NEGR1: variants seen among roughly 807,000 people sequenced by gnomAD.
NEGR1 encodes the protein IgLON family member 4.
Under a neutral mutation model 40.9 loss-of-function variants are expected in NEGR1, and 10 were observed. The observed-to-expected ratio is 0.24, with a 90% CI of 0.15 to 0.42. The LOEUF (loss-of-function observed/expected upper bound fraction) is 0.42. Ranked by LOEUF, NEGR1 falls within the 10% of genes least tolerant of loss-of-function variation. NEGR1 has a pLI of 1.00. For synonymous variants in NEGR1, 185 were observed against 166.8 expected, an observed-to-expected ratio of 1.11 and a Z score of -0.84; for missense variants, 352 against 438.9, an observed-to-expected ratio of 0.80 and a Z score of 1.77.
chr1:71,628,114 C>T (rs1012119306), intron 4 of NEGR1, among the ~76,000 whole-genome samples: 1 of 152,006 alleles, frequency 6.6e-6, no homozygotes, highest in Non-Finnish European at 1.5e-5. Context: ...TTTTATATGT[C>T]ATCTACTCAC....
chr1:71,829,010 T>A (rs773736754), intron 2 of NEGR1, among the ~76,000 whole-genome samples: 2 of 151,908 alleles, frequency 1.3e-5, no homozygotes, highest in Non-Finnish European at 2.9e-5. Flanking sequence ...AACATCCATA[T>A]AGTTTAACCC....
intron 6 of NEGR1, among the ~76,000 whole-genome samples, chr1:71,452,434 T>A (rs2101330434): frequency 6.6e-6 from 1 of 152,332 alleles, no homozygotes; most frequent in African/African-American, 2.4e-5. Flanking sequence ...ATGTTCTAGA[T>A]ACAGCAGGGG....
At position 71,822,388 on chromosome 1, in the gene NEGR1, C is replaced by T. The variant is rs115424387; in HGVS notation, c.410-46091G>A. Among the ~76,000 whole-genome samples, 736 of 152,114 alleles carry T rather than the reference C, an allele frequency of 4.8e-3. 6 individuals carry two copies. Among genetic ancestry groups the T allele is most frequent in the African/African-American group, 0.017 (702 of 41,532 alleles). On this transcript the variant is annotated intron_variant, in intron 2 of 6. Transcript: ENST00000357731. ...CAACCAAGTGGACAAAATGATCTAG[C>T]CAGCTACTGCCAGCTAGCCGCTATC... is the stretch of plus-strand genomic sequence containing the variant.
At chr1:72,163,792 C>T (rs1233607095) in intron 1 of NEGR1, among the ~76,000 whole-genome samples, 1 of 150,196 alleles carries the variant, frequency 6.7e-6, no homozygotes. Context: ...AAGTTCTTAA[C>T]ATTAGAAAGT....
intron 1 of NEGR1, among the ~76,000 whole-genome samples, chr1:71,979,300 C>A (rs1283224715): frequency 6.6e-6 from 1 of 152,018 alleles, no homozygotes; most frequent in African/African-American, 2.4e-5. Flanking sequence ...GTACAATGAA[C>A]CCCCACGGCA....
chr1:71,697,351 T>C (rs1653511359), intron 4 of NEGR1, among the ~76,000 whole-genome samples: 1 of 151,838 alleles, frequency 6.6e-6, no homozygotes, highest in African/African-American at 2.4e-5. Context: ...AAAACGATTG[T>C]AGTCATTGCT....
intron 1 of NEGR1, among the ~76,000 whole-genome samples, chr1:72,060,946 A>G (rs745976195): frequency 1.2e-4 from 18 of 151,596 alleles, no homozygotes; most frequent in Non-Finnish European, 2.5e-4. Context: ...TTTCCATAAC[A>G]TATTCTGAAA....
intron 2 of NEGR1, among the ~76,000 whole-genome samples, chr1:71,857,122 C>A (rs1472472622): frequency 6.6e-6 from 1 of 151,986 alleles, no homozygotes; most frequent in African/African-American, 2.4e-5. Context: ...GTTAGTGATT[C>A]TTTCCATTCA....
chr1:71,412,263 G>A (rs1350905867), intron 6 of NEGR1, among the ~76,000 whole-genome samples: 1 of 152,038 alleles, frequency 6.6e-6, no homozygotes, highest in South Asian at 2.1e-4. Context: ...CTTTGTGCAT[G>A]CAACCTCCTT....
intron 6 of NEGR1, among the ~76,000 whole-genome samples, chr1:71,475,625 T>C (rs1569919359): frequency 2.0e-5 from 3 of 152,144 alleles, no homozygotes; most frequent in Admixed American, 2.0e-4. Context: ...GAGTACAGTG[T>C]TCATTTAAAA....
intron 1 of NEGR1, among the ~76,000 whole-genome samples, chr1:72,273,998 T>C (rs72942937): frequency 0.026 from 3,929 of 149,930 alleles, 157 homozygotes; most frequent in African/African-American, 0.09. Flanking sequence ...TGTTGTTCTT[T>C]TTTTTTTTTT....
intron 2 of NEGR1, among the ~76,000 whole-genome samples, chr1:71,877,649 G>A (rs557024693): frequency 6.6e-6 from 1 of 152,102 alleles, no homozygotes; most frequent in African/African-American, 2.4e-5. Context: ...ATTTTTGGGG[G>A]ACAAAAATAT....
At chr1:71,460,839 C>T (rs1025703483) in intron 6 of NEGR1, among the ~76,000 whole-genome samples, 1 of 152,048 alleles carries the variant, frequency 6.6e-6, no homozygotes, top group Non-Finnish European at 1.5e-5. Context: ...ATGCTTTTGC[C>T]TACTTTGCAA....
chr1:71,753,248 A>G (rs957772164), intron 3 of NEGR1, among the ~76,000 whole-genome samples: 3 of 152,206 alleles, frequency 2.0e-5, no homozygotes, highest in Admixed American at 1.3e-4. Context: ...TACCAAGGAT[A>G]GTGAAAGAAG....
intron 1 of NEGR1, among the ~76,000 whole-genome samples, chr1:72,171,106 C>T (rs1033089222): frequency 5.3e-5 from 8 of 152,098 alleles, no homozygotes; most frequent in Non-Finnish European, 1.0e-4. Flanking sequence ...AAGAACACAA[C>T]GCTCTGGGTG....
intron 1 of NEGR1, among the ~76,000 whole-genome samples, chr1:72,062,231 T>C (rs1647189560): frequency 6.6e-6 from 1 of 151,864 alleles, no homozygotes; most frequent in South Asian, 2.1e-4. Context: ...TTGGAAGTTT[T>C]TCCCAGTTTC....
chr1:72,030,002 T>G (rs1474404524), intron 1 of NEGR1, among the ~76,000 whole-genome samples: 2 of 143,730 alleles, frequency 1.4e-5, no homozygotes, highest in Non-Finnish European at 3.0e-5. Context: ...AATTGAAGTG[T>G]TAAGAAATGT....
chr1:71,554,978 T>C (rs1032620524), intron 6 of NEGR1, among the ~76,000 whole-genome samples: 16 of 151,592 alleles, frequency 1.1e-4, no homozygotes, highest in African/African-American at 3.9e-4. Context: ...TCTTACTTTT[T>C]TTCCATCCCT....
At chr1:71,633,025 T>C (rs534598402) in intron 4 of NEGR1, among the ~76,000 whole-genome samples, 30 of 152,264 alleles carry the variant, frequency 2.0e-4, no homozygotes, top group African/African-American at 7.0e-4. Flanking sequence ...TAGATATAAC[T>C]GCATATGTCT....
Sources: gnomAD v4.1 joint callset for allele counts (sites outside exome capture counted in the v4.1 genomes callset) on GRCh38, gnomAD v4.1.1 for gene constraint, MANE v1.5 for transcripts, NCBI Gene and HGNC (gene_info 2026-07-23, HGNC 2026-07-21) for gene names.